LINGO2: variants seen among roughly 807,000 people sequenced by gnomAD.
The protein encoded by LINGO2 is leucine-rich repeat and immunoglobulin-like domain-containing nogo receptor-interacting protein 2.
In LINGO2, 14 loss-of-function variants were observed where a neutral mutation model predicts 30.6. The ratio of observed to expected loss-of-function variants is 0.46; its 90% CI spans 0.30 to 0.72. The LOEUF is 0.72. LINGO2 is among the 30% of genes least tolerant of loss of function. The probability of loss-of-function intolerance (pLI) is 0.07; values close to 1 mark genes in which losing one functional copy is unlikely to be tolerated. For synonymous variants in LINGO2, 317 were observed against 288.5 expected (o/e 1.10, Z -1.00); for missense variants, 729 against 751.7 (o/e 0.97, Z 0.35).
chr9:28,664,063 G>A (rs1233069589), intron 1 of LINGO2, among the ~76,000 whole-genome samples: 1 of 152,144 alleles, frequency 6.6e-6, no homozygotes, highest in Non-Finnish European at 1.5e-5. Flanking sequence ...TTTATATCGA[G>A]AGAGGATATT....
chr9:28,049,260 G>T (rs573459070), intron 4 of LINGO2, among the ~76,000 whole-genome samples: 2 of 150,892 alleles, frequency 1.3e-5, no homozygotes, highest in African/African-American at 4.9e-5. Flanking sequence ...GTATATACAA[G>T]AATAACCCAA....
At chr9:28,808,547 T>C in the LINGO2 span, among the ~76,000 whole-genome samples, 3 of 152,210 alleles carry the variant, frequency 2.0e-5, no homozygotes, top group Admixed American at 2.0e-4. Flanking sequence ...CTTATATTGT[T>C]TCTCACTGGA....
intron 3 of LINGO2, among the ~76,000 whole-genome samples, chr9:28,365,640 A>G (rs547053700): frequency 6.6e-6 from 1 of 152,282 alleles, no homozygotes; most frequent in East Asian, 1.9e-4. Context: ...ACAGGGCCAC[A>G]GGGAGTGAAG....
At chr9:27,977,550 AG>A (rs1462101863) in intron 5 of LINGO2, among the ~76,000 whole-genome samples, 2 of 152,050 alleles carry the variant, frequency 1.3e-5, no homozygotes, top group Non-Finnish European at 2.9e-5. Flanking sequence ...ATAACATTCT[AG>A]GGAGAGCTCT....
At chr9:28,510,374 ATAAAG>A (rs1346366991) in intron 1 of LINGO2, among the ~76,000 whole-genome samples, 4 of 152,086 alleles carry the variant, frequency 2.6e-5, no homozygotes, top group African/African-American at 7.2e-5. Context: ...TATTCTTATA[ATAAAG>A]TAATCTAAAA....
At chr9:28,483,782 C>T (rs1260724644) in intron 1 of LINGO2, among the ~76,000 whole-genome samples, 1 of 151,928 alleles carries the variant, frequency 6.6e-6, no homozygotes, top group Non-Finnish European at 1.5e-5. Flanking sequence ...CTAACATTTT[C>T]AATGCTGTAG....
intron 1 of LINGO2, among the ~76,000 whole-genome samples, chr9:28,617,302 C>CT (rs5897312): frequency 0.029 from 4,295 of 147,100 alleles, 216 homozygotes; most frequent in African/African-American, 0.098. Flanking sequence ...CTTTTCTTTT[C>CT]TTTTTTTTTT....
At chr9:28,071,128 T>C (rs376436143) in intron 4 of LINGO2, among the ~76,000 whole-genome samples, 1 of 152,220 alleles carries the variant, frequency 6.6e-6, no homozygotes, top group Non-Finnish European at 1.5e-5. Context: ...CATGCACTTA[T>C]AGCGGAAATT....
At chr9:28,421,419 GA>G (rs56015030) in intron 2 of LINGO2, among the ~76,000 whole-genome samples, 45,314 of 127,944 alleles carry the variant, frequency 0.35, 7,685 homozygotes, top group Admixed American at 0.42. Context: ...TTTTTTTGCA[GA>G]AAAAAAAAAA....
Position 28,029,336 on chromosome 9 carries a change from T to C in LINGO2, c.-86-16931A>G, listed in dbSNP as rs573961175. On this transcript the variant is annotated intron_variant, in intron 4 of 5. Coordinates refer to ENST00000379992, the Ensembl canonical transcript of LINGO2. The stretch of plus-strand genomic sequence containing the variant: ...AATTTTAACAAGCATCCCACTGTTC[T>C]GCTGCGTTTGATCTGTGGCCAATAT... Among the ~76,000 whole-genome samples, 229 of 152,292 alleles carry C rather than the reference T, an allele frequency of 1.5e-3. 1 individual carries two copies. The highest frequency in any genetic ancestry group is 5.2e-3 in the African/African-American group (218 of 41,572).
intron 1 of LINGO2, among the ~76,000 whole-genome samples, chr9:28,557,747 C>G (rs1822807043): frequency 6.7e-6 from 1 of 149,610 alleles, no homozygotes; most frequent in Admixed American, 6.7e-5. Context: ...GGAACCAACC[C>G]AAATGTCCAA....
chr9:29,148,398 T>C, the LINGO2 span, among the ~76,000 whole-genome samples: 643 of 152,246 alleles, frequency 4.2e-3, 2 homozygotes, highest in African/African-American at 0.015. Flanking sequence ...AGTAAAGAGA[T>C]TGATGGCTAA....
At chr9:28,210,141 T>A (rs142471805) in intron 4 of LINGO2, among the ~76,000 whole-genome samples, 93 of 151,856 alleles carry the variant, frequency 6.1e-4, no homozygotes, top group Non-Finnish European at 9.9e-4. Context: ...AAGGTCCAGA[T>A]ATTTCAATAT....
intron 4 of LINGO2, among the ~76,000 whole-genome samples, chr9:28,263,925 T>C (rs956269239): frequency 3.3e-5 from 5 of 152,030 alleles, no homozygotes; most frequent in South Asian, 2.1e-4. Flanking sequence ...TATATATGTA[T>C]GTCTCCTACG....
At chr9:28,956,969 C>T in the LINGO2 span, among the ~76,000 whole-genome samples, 1 of 151,806 alleles carries the variant, frequency 6.6e-6, no homozygotes, top group Non-Finnish European at 1.5e-5. Context: ...AAATGCCAAA[C>T]TTCGTACTTG....
chr9:28,046,175 A>T (rs377313710), intron 4 of LINGO2, among the ~76,000 whole-genome samples: 1 of 152,188 alleles, frequency 6.6e-6, no homozygotes, highest in African/African-American at 2.4e-5. Context: ...TGCTATTTCA[A>T]TAGCTAACTT....
At chr9:28,403,778 T>C (rs982622779) in intron 2 of LINGO2, among the ~76,000 whole-genome samples, 4 of 152,044 alleles carry the variant, frequency 2.6e-5, no homozygotes, top group Non-Finnish European at 4.4e-5. Flanking sequence ...TTCCTGCCTA[T>C]AAAATTGTGA....
intron 4 of LINGO2, among the ~76,000 whole-genome samples, chr9:28,062,960 C>G (rs1200428847): frequency 6.6e-6 from 1 of 151,924 alleles, no homozygotes; most frequent in African/African-American, 2.4e-5. Flanking sequence ...CTTATCCGAA[C>G]ATTTCATTTA....
chr9:29,154,705 T>C, the LINGO2 span, among the ~76,000 whole-genome samples: 443 of 152,334 alleles, frequency 2.9e-3, 3 homozygotes, highest in African/African-American at 0.01. Flanking sequence ...TTTTGTGCTA[T>C]GGAATCCAGG....
Sources: allele counts gnomAD v4.1 joint callset (sites outside exome capture counted in the v4.1 genomes callset), GRCh38; gene constraint gnomAD v4.1.1; transcripts MANE v1.5; gene names NCBI Gene and HGNC (gene_info 2026-07-23, HGNC 2026-07-21).